The following LLGL2 variants were observed in gnomAD, a reference collection of about 807,000 sequenced individuals.
The protein encoded by LLGL2 is LLGL scribble cell polarity complex component 2.
In LLGL2, 81 loss-of-function variants were observed where a neutral mutation model predicts 123.2. That is an observed-to-expected ratio of 0.66 (90% confidence interval 0.55 to 0.79). The LOEUF (loss-of-function observed/expected upper bound fraction) is 0.79. Among genes scored for constraint, LLGL2 ranks in the 30% least tolerant of loss-of-function variants. The probability of loss-of-function intolerance (pLI) is 0.00; values close to 1 mark genes in which losing one functional copy is unlikely to be tolerated. For synonymous variants in LLGL2, 577 were observed against 594.1 expected (o/e 0.97, Z 0.42); for missense variants, 1,273 against 1,414.6 (o/e 0.90, Z 1.61).
chr17:75,541,777 C>T (rs4788898), intron 1 of LLGL2, among the ~76,000 whole-genome samples: 141,792 of 141,800 alleles, frequency 1, 70,892 homozygotes, highest in Middle Eastern at 1. Flanking sequence ...TTGCCCAGGC[C>T]GGAGTGCAAT....
intron 2 of LLGL2, among the ~76,000 whole-genome samples, chr17:75,545,265 G>GGGAGGCTC (rs1296560009): frequency 2.0e-5 from 3 of 152,124 alleles, no homozygotes; most frequent in Non-Finnish European, 4.4e-5. Flanking sequence ...GGGTGGCAGA[G>GGGAGGCTC]GGAGGCTCCT....
Position 75,543,516 on chromosome 17 carries a change from G to A in LLGL2, c.75+15G>A. The A allele has an allele frequency of 6.2e-7, 1 of 1,604,538 alleles. No homozygotes were observed. On this transcript the variant is annotated intron_variant, in intron 2 of 25. Coordinates refer to ENST00000392550, the MANE Select transcript of LLGL2 (RefSeq NM_001031803.2). ...AGTTTAACAAGGTAAGTTAGGGAGA[G>A]CAGGGAAGATGACCCCCAGGTTTTC...
Position 75,571,886 on chromosome 17 carries a change from TC to T in LLGL2, c.2294-10del. 6.2e-7 allele frequency: 1 copy of T among 1,610,218 alleles called. No homozygotes were observed. Among genetic ancestry groups the T allele is most frequent in the African/African-American group, 1.3e-5 (1 of 74,848 alleles). On this transcript the variant is annotated splice_polypyrimidine_tract_variant and intron_variant, in intron 18 of 25. Coordinates refer to ENST00000392550, the MANE Select transcript of LLGL2 (RefSeq NM_001031803.2). ...CCCCTCACCAGCCCCAACACCCACC[TC>T]CTCCCCCTAGCCAAGGAGATCCAGC...
chr17:75,556,451 G>A (rs2054919585), intron 3 of LLGL2, among the ~76,000 whole-genome samples: 1 of 152,166 alleles, frequency 6.6e-6, no homozygotes, highest in East Asian at 1.9e-4. Flanking sequence ...GACCCTTCAT[G>A]TGGTCTGCTC....
At chr17:75,535,391 G>A (rs1032664045) in intron 1 of LLGL2, among the ~76,000 whole-genome samples, 4 of 152,256 alleles carry the variant, frequency 2.6e-5, no homozygotes, top group Non-Finnish European at 4.4e-5. Context: ...CGCTGGGTGC[G>A]GCCCGGGGGC....
At chr17:75,550,966 C>A (rs966214592) in intron 2 of LLGL2, among the ~76,000 whole-genome samples, 1 of 152,080 alleles carries the variant, frequency 6.6e-6, no homozygotes, top group Admixed American at 6.6e-5. Flanking sequence ...AAATCCCAAT[C>A]CCTTCCCTGT....
chr17:75,532,891 C>T (rs1043576619), intron 1 of LLGL2, among the ~76,000 whole-genome samples: 1 of 152,216 alleles, frequency 6.6e-6, no homozygotes, highest in Non-Finnish European at 1.5e-5. Flanking sequence ...AAGGAAGTTC[C>T]CTGAGAACCC....
In LLGL2 at chr17:75,557,080, T is replaced by G. The variant is rs1362317783; in HGVS notation, c.173+937T>G. Among the ~76,000 whole-genome samples the G allele has an allele frequency of 2.1e-5, 3 of 144,426 alleles. No individual in the cohort carries two copies. The East Asian group carries it at 6.0e-4, about 29-fold the overall frequency. The allele number at this position is 144,426 out of a possible 152,430, so 94.7% of individuals were successfully genotyped here. On this transcript the variant is annotated intron_variant, in intron 3 of 25. Coordinates refer to ENST00000392550, the MANE Select transcript of LLGL2 (RefSeq NM_001031803.2). ...TTTTTGTGGAGACAGGGTCTTGTGA[T>G]CTTGCCCAGCCTGGTCTTGAACTCC...
chr17:75,532,077 CTT>C (rs1555648013), intron 1 of LLGL2, among the ~76,000 whole-genome samples: 6,273 of 83,346 alleles, frequency 0.075, 151 homozygotes, highest in Non-Finnish European at 0.11. Context: ...CACACACACA[CTT>C]TTTTTTTTTT....
At chr17:75,551,936 C>G (rs763705160) in intron 2 of LLGL2, among the ~76,000 whole-genome samples, 28 of 152,162 alleles carry the variant, frequency 1.8e-4, no homozygotes, top group Admixed American at 3.9e-4. Context: ...CGAGACCAGC[C>G]TGGCCAACAT....
intron 20 of LLGL2, 38 bp downstream of exon 20, chr17:75,573,316 GCA>G (rs1197930230): frequency 6.4e-7 from 1 of 1,574,174 alleles, no homozygotes; most frequent in Non-Finnish European, 8.7e-7. Context: ...GGGGCCCCGG[GCA>G]CTGCACGGAC....
intron 1 of LLGL2, among the ~76,000 whole-genome samples, chr17:75,530,239 A>T (rs1356338886): frequency 6.6e-6 from 1 of 152,172 alleles, no homozygotes; most frequent in African/African-American, 2.4e-5. Context: ...ATTTTGGCTC[A>T]TGCCTGTAAT....
intron 1 of LLGL2, among the ~76,000 whole-genome samples, chr17:75,535,583 T>G (rs1222218689): frequency 6.6e-6 from 1 of 152,216 alleles, no homozygotes; most frequent in Non-Finnish European, 1.5e-5. Context: ...AGGGACAAAT[T>G]AGCCCAGGTG....
chr17:75,532,051 T>TACACACACAC (rs1470150170), intron 1 of LLGL2, among the ~76,000 whole-genome samples: 60 of 36,814 alleles, frequency 1.6e-3, no homozygotes, highest in African/African-American at 3.7e-3. Flanking sequence ...TATATATGTA[T>TACACACACAC]ATATACACAC....
chr17:75,556,032 G>T lies in LLGL2; in HGVS notation c.76-14G>T. ...ACAGGTCTGCAGGCCCACCCCACGT[G>T]CTTCTCGTTGCAGACGGTGGAGCAT... On this transcript the variant is annotated splice_polypyrimidine_tract_variant and intron_variant, in intron 2 of 25. Coordinates refer to ENST00000392550, the MANE Select transcript of LLGL2 (RefSeq NM_001031803.2). 6.2e-7 allele frequency: 1 copy of T among 1,605,286 alleles called. No individual in the cohort carries two copies.
In LLGL2 at chr17:75,545,365, A is replaced by G. The variant is rs769564754; in HGVS notation, c.75+1864A>G. Reference sequence around the variant, plus strand: ...GATCCACAGCCCAAGGCTCAGGGCTATGGGAATCTGATTAGGCCTCTGCCC... The same window carrying G: ...GATCCACAGCCCAAGGCTCAGGGCTGTGGGAATCTGATTAGGCCTCTGCCC... On this transcript the variant is annotated intron_variant, in intron 2 of 25. Coordinates refer to ENST00000392550, the MANE Select transcript of LLGL2 (RefSeq NM_001031803.2). 3.8e-4 allele frequency among the ~76,000 whole-genome samples: 58 copies of G among 152,310 alleles called. 1 individual carries two copies. The highest frequency in any genetic ancestry group is 2.1e-3 in the South Asian group (10 of 4,828).
At chr17:75,562,443 A>G in intron 6 of LLGL2, 1 of 155,794 alleles carries the variant, frequency 6.4e-6, no homozygotes, top group Admixed American at 6.2e-5. Context: ...TGACTTTTCC[A>G]GAAGTCACTG....
intron 1 of LLGL2, chr17:75,542,808 G>A: frequency 6.6e-6 from 1 of 152,442 alleles, no homozygotes; most frequent in Non-Finnish European, 1.5e-5. Context: ...TGCCACCCGT[G>A]CCCACTTGAG....
At chr17:75,557,907 A>C in intron 3 of LLGL2, 1 of 545,836 alleles carries the variant, frequency 1.8e-6, no homozygotes, top group Non-Finnish European at 3.4e-6. Context: ...TCGCCTTTCT[A>C]TGGAGTTGCT....
Sources: gnomAD v4.1 joint callset for allele counts (sites outside exome capture counted in the v4.1 genomes callset) on GRCh38, gnomAD v4.1.1 for gene constraint, MANE v1.5 for transcripts, NCBI Gene and HGNC (gene_info 2026-07-23, HGNC 2026-07-21) for gene names.